SLC60A1: variants seen among roughly 807,000 people sequenced by gnomAD.
SLC60A1 encodes the protein solute carrier family 60 member 1.
chr1:205,579,434 G>T, the SLC60A1 span: 1 of 549,878 alleles, frequency 1.8e-6, no homozygotes, highest in East Asian at 2.8e-5. Context: ...AAAGGGTGGG[G>T]AATATTTTTG....
chr1:205,580,079 G>T, the SLC60A1 span: 10 of 986,920 alleles, frequency 1.0e-5, no homozygotes, highest in Admixed American at 2.6e-5. The surrounding 1 kb of genome is among the most constrained non-coding windows in gnomAD (Gnocchi z 5.0). Flanking sequence ...TTCTAGACTC[G>T]GTTTTCCCAT....
the SLC60A1 span, chr1:205,600,193 C>G: frequency 3.9e-6 from 2 of 514,200 alleles, no homozygotes; most frequent in East Asian, 3.1e-5. Context: ...TCATGGGAGA[C>G]AGACACATTC....
At chr1:205,579,946 C>T in the SLC60A1 span, 1 of 1,612,022 alleles carries the variant, frequency 6.2e-7, no homozygotes, top group Admixed American at 1.7e-5. Flanking sequence ...CCGTCTTCCT[C>T]CAGGTAAGCC....
At chr1:205,586,165 A>G in the SLC60A1 span, 2 of 1,613,672 alleles carry the variant, frequency 1.2e-6, no homozygotes, top group African/African-American at 2.7e-5. Context: ...CCATTCCCAT[A>G]TCCTCAAGAA....
At chr1:205,572,822 A>G in the SLC60A1 span, among the ~76,000 whole-genome samples, 6 of 152,224 alleles carry the variant, frequency 3.9e-5, no homozygotes, top group Non-Finnish European at 8.8e-5. Flanking sequence ...ATAGGGTCCC[A>G]ACTCCCAGGT....
the SLC60A1 span, chr1:205,579,674 A>T: frequency 6.5e-7 from 1 of 1,536,514 alleles, no homozygotes; most frequent in African/African-American, 1.4e-5. Context: ...GGCTGCCCAG[A>T]CCACCCAGTG....
At chr1:205,586,589 G>A in the SLC60A1 span, among the ~76,000 whole-genome samples, 1 of 152,156 alleles carries the variant, frequency 6.6e-6, no homozygotes, top group Non-Finnish European at 1.5e-5. Flanking sequence ...GCTGCTCAGA[G>A]CCCTCCAGTC....
chr1:205,597,913 G>A, the SLC60A1 span: 2 of 1,512,620 alleles, frequency 1.3e-6, no homozygotes, highest in Non-Finnish European at 1.8e-6. Flanking sequence ...CAGGTGAGAA[G>A]ATGCAGATAG....
chr1:205,586,071 A>C, the SLC60A1 span: 1 of 1,611,918 alleles, frequency 6.2e-7, no homozygotes, highest in Middle Eastern at 1.9e-4. Flanking sequence ...TATGCTGTGG[A>C]GAAGCCCCTG....
the SLC60A1 span, chr1:205,580,749 A>G: frequency 6.2e-7 from 1 of 1,614,070 alleles, no homozygotes; most frequent in South Asian, 1.1e-5. This position sits in a 1 kb window ranked among gnomAD's most constrained non-coding sequence, Gnocchi z 5.0. Flanking sequence ...TTGCCTGCCA[A>G]TAGCACGGCC....
the SLC60A1 span, chr1:205,585,936 T>C: frequency 2.2e-6 from 3 of 1,352,710 alleles, no homozygotes; most frequent in Non-Finnish European, 2.0e-6. The surrounding 1 kb of genome is among the most constrained non-coding windows in gnomAD (Gnocchi z 4.2). Context: ...CAGTCCTCCC[T>C]CTGCCCTCCC....
the SLC60A1 span, chr1:205,599,318 AG>A: frequency 6.3e-7 from 1 of 1,585,062 alleles, no homozygotes; most frequent in Non-Finnish European, 8.6e-7. Flanking sequence ...GCGGGGGAGC[AG>A]GAGATGCTAT....
chr1:205,573,992 T>C, the SLC60A1 span, among the ~76,000 whole-genome samples: 1 of 151,946 alleles, frequency 6.6e-6, no homozygotes, highest in African/African-American at 2.4e-5. Context: ...CCACTGCGCC[T>C]GGCCTGGATA....
the SLC60A1 span, among the ~76,000 whole-genome samples, chr1:205,578,548 C>T: frequency 9.2e-5 from 14 of 152,190 alleles, no homozygotes; most frequent in South Asian, 8.3e-4. Flanking sequence ...AAGTAACGAA[C>T]TGCTCTATCA....
the SLC60A1 span, chr1:205,586,299 C>T: frequency 4.1e-6 from 6 of 1,452,414 alleles, no homozygotes; most frequent in Non-Finnish European, 5.7e-6. Flanking sequence ...CCCAGGCCTA[C>T]ATTCTGCCAG....
chr1:205,576,593 G>A, the SLC60A1 span, among the ~76,000 whole-genome samples: 1 of 152,194 alleles, frequency 6.6e-6, no homozygotes, highest in African/African-American at 2.4e-5. Flanking sequence ...TTTTGACATG[G>A]TTATTCCATA....
At chr1:205,592,310 G>A in the SLC60A1 span, 1 of 1,599,078 alleles carries the variant, frequency 6.3e-7, no homozygotes, top group Non-Finnish European at 8.5e-7. Context: ...CCCGAGCCAG[G>A]AGGCGCGCTC....
At chr1:205,600,317 A>G in the SLC60A1 span, 1 of 1,384,734 alleles carries the variant, frequency 7.2e-7, no homozygotes. Flanking sequence ...CAGAGAAACA[A>G]ACAGCCTGGG....
At chr1:205,587,397 G>A in the SLC60A1 span, among the ~76,000 whole-genome samples, 1 of 152,298 alleles carries the variant, frequency 6.6e-6, no homozygotes, top group South Asian at 2.1e-4. Flanking sequence ...TGATCCCCAA[G>A]AAAGGCCTTT....
Sources: gnomAD v4.1 joint callset for allele counts (sites outside exome capture counted in the v4.1 genomes callset) on GRCh38, gnomAD v4.1.1 for gene constraint, Gnocchi (gnomAD v3.1) non-coding constraint, MANE v1.5 for transcripts, NCBI Gene and HGNC (gene_info 2026-07-23, HGNC 2026-07-21) for gene names.